The following MCC variants were observed in gnomAD, a reference collection of about 807,000 sequenced individuals.
MCC encodes colorectal mutant cancer protein.
A neutral mutation model predicts 116.2 loss-of-function variants in MCC; 90 were observed. The ratio of observed to expected loss-of-function variants is 0.77; its 90% confidence interval spans 0.65 to 0.92. The LOEUF is 0.92. MCC is among the 40% of genes least tolerant of loss of function. The probability of loss-of-function intolerance (pLI) is 0.00; values close to 1 mark genes in which losing one functional copy is unlikely to be tolerated. For missense variants in MCC, 1,516 were observed against 1,312.2 expected (o/e 1.16, Z -2.40); for synonymous variants, 578 against 510.5 (o/e 1.13, Z -1.78).
At chr5:113,250,529 G>A (rs184454844) in intron 3 of MCC, among the ~76,000 whole-genome samples, 1 of 151,492 alleles carries the variant, frequency 6.6e-6, no homozygotes, top group Non-Finnish European at 1.5e-5. Context: ...ACAGAGACAT[G>A]TGCCTTTATA....
chr5:113,249,267 C>T (rs1206263161), intron 3 of MCC, among the ~76,000 whole-genome samples: 2 of 152,072 alleles, frequency 1.3e-5, no homozygotes, highest in Non-Finnish European at 2.9e-5. Context: ...AAACCATTCT[C>T]CTTGAAAGAT....
In MCC at chr5:113,285,661, C is replaced by T. The variant is rs541515559; in HGVS notation, c.627+54858G>A. Among the ~76,000 whole-genome samples the T allele has an allele frequency of 2.0e-5, 3 of 152,162 alleles. No individual in the cohort carries two copies. In the South Asian group the frequency reaches 6.2e-4, roughly 32 times the overall value. On this transcript the variant is annotated intron_variant, in intron 3 of 18. Transcript: ENST00000408903. Reference sequence around the variant, plus strand: ...GACTGTGTCCCTCATTTCACAGACTCCCACAGTGAAGTCTTCCCTGATCAC... The same window carrying T: ...GACTGTGTCCCTCATTTCACAGACTTCCACAGTGAAGTCTTCCCTGATCAC...
chr5:113,252,494 G>A (rs7700396), intron 3 of MCC, among the ~76,000 whole-genome samples: 1 of 152,206 alleles, frequency 6.6e-6, no homozygotes, highest in African/African-American at 2.4e-5. Context: ...GTCGCTGTCT[G>A]CCATCACCCC....
chr5:113,290,869 A>C (rs978456005), intron 3 of MCC, among the ~76,000 whole-genome samples: 1 of 150,898 alleles, frequency 6.6e-6, no homozygotes, highest in African/African-American at 2.4e-5. Flanking sequence ...TCTCAATTTT[A>C]AAAAAAAATC....
intron 1 of MCC, among the ~76,000 whole-genome samples, chr5:113,431,964 C>A (rs905431747): frequency 2.6e-5 from 4 of 152,068 alleles, no homozygotes; most frequent in African/African-American, 9.7e-5. Context: ...GGTGAAACAA[C>A]GTCTCTACTA....
At chr5:113,142,788 A>C (rs1053140092) in intron 5 of MCC, among the ~76,000 whole-genome samples, 4 of 152,176 alleles carry the variant, frequency 2.6e-5, no homozygotes, top group South Asian at 2.1e-4. Context: ...ATCTCTCAAA[A>C]TCTCCAAGGG....
intron 1 of MCC, among the ~76,000 whole-genome samples, chr5:113,399,721 C>A (rs756566505): frequency 1.5e-4 from 23 of 152,128 alleles, no homozygotes; most frequent in Non-Finnish European, 2.6e-4. Flanking sequence ...ATGTCCAAAT[C>A]ACCATCCCCT....
chr5:113,297,749 CAAAAAAAAAAAA>C (rs57148050), intron 3 of MCC, among the ~76,000 whole-genome samples: 1 of 60,510 alleles, frequency 1.7e-5, no homozygotes, highest in Non-Finnish European at 3.0e-5. Flanking sequence ...GACTCTGTCT[CAAAAAAAAAAAA>C]AAAAAAAAAA....
At chr5:113,138,644 T>C (rs543886509) in intron 5 of MCC, among the ~76,000 whole-genome samples, 1 of 152,286 alleles carries the variant, frequency 6.6e-6, no homozygotes, top group East Asian at 1.9e-4. Flanking sequence ...TGATATTGTG[T>C]TATGGCAGCC....
intron 3 of MCC, among the ~76,000 whole-genome samples, chr5:113,243,344 C>T (rs1764449865): frequency 6.6e-6 from 1 of 152,162 alleles, no homozygotes; most frequent in South Asian, 2.1e-4. Context: ...AAAGCTTCGG[C>T]AGCTATAGGA....
chr5:113,375,828 T>TG (rs11452571), intron 2 of MCC, among the ~76,000 whole-genome samples: 95,755 of 151,996 alleles, frequency 0.63, 32,808 homozygotes, highest in African/African-American at 0.91. Context: ...GACATTTTAT[T>TG]TTCAAAGCAA....
At chr5:113,097,320 T>G (rs940851668) in intron 8 of MCC, among the ~76,000 whole-genome samples, 27 of 152,228 alleles carry the variant, frequency 1.8e-4, no homozygotes, top group Admixed American at 9.2e-4. Flanking sequence ...TCTATTTCTA[T>G]GTATATACTT....
At chr5:113,144,658 A>G (rs375827661) in intron 4 of MCC, among the ~76,000 whole-genome samples, 55 of 152,342 alleles carry the variant, frequency 3.6e-4, no homozygotes, top group African/African-American at 1.3e-3. Flanking sequence ...AAGTCTGACA[A>G]ATAATCTGGT....
intron 3 of MCC, among the ~76,000 whole-genome samples, chr5:113,220,925 G>T (rs116359456): frequency 6.6e-6 from 1 of 152,180 alleles, no homozygotes; most frequent in Non-Finnish European, 1.5e-5. Context: ...CAGTGAGGCC[G>T]GGCATGGTGG....
chr5:113,304,749 T>G (rs1766942969), intron 3 of MCC, among the ~76,000 whole-genome samples: 1 of 152,144 alleles, frequency 6.6e-6, no homozygotes, highest in Non-Finnish European at 1.5e-5. Context: ...ATTAGAGATT[T>G]GGAAATCCAA....
At chr5:113,226,827 T>C (rs1209222898) in intron 3 of MCC, among the ~76,000 whole-genome samples, 4 of 152,216 alleles carry the variant, frequency 2.6e-5, no homozygotes, top group Admixed American at 2.6e-4. Flanking sequence ...GAAGAGGCCT[T>C]ATAAGATAGT....
At chr5:113,402,743 A>G (rs1027267522) in intron 1 of MCC, among the ~76,000 whole-genome samples, 1 of 152,126 alleles carries the variant, frequency 6.6e-6, no homozygotes, top group African/African-American at 2.4e-5. Context: ...CAGAAAGGAG[A>G]AGGAGGAGAT....
chr5:113,198,800 A>C (rs750066353), intron 3 of MCC, among the ~76,000 whole-genome samples: 4 of 151,854 alleles, frequency 2.6e-5, no homozygotes, highest in Non-Finnish European at 4.4e-5. Flanking sequence ...TTCAGGAGAG[A>C]GGCTGGGCTG....
At chr5:113,114,797 T>A (rs1259067073) in intron 6 of MCC, among the ~76,000 whole-genome samples, 2 of 152,122 alleles carry the variant, frequency 1.3e-5, no homozygotes, top group African/African-American at 4.8e-5. Flanking sequence ...CCATCCCCCT[T>A]CTAGCTCCCC....
Sources: gnomAD v4.1 joint callset for allele counts (sites outside exome capture counted in the v4.1 genomes callset) on GRCh38, gnomAD v4.1.1 for gene constraint, MANE v1.5 for transcripts, NCBI Gene and HGNC (gene_info 2026-07-23, HGNC 2026-07-21) for gene names.